G3BP2: variants seen among roughly 807,000 people sequenced by gnomAD.
The protein encoded by G3BP2 is G3BP stress granule assembly factor 2.
G3BP2 carries 11 observed loss-of-function variants against 56.7 expected under a neutral mutation model. That is an observed-to-expected ratio of 0.19 (90% confidence interval 0.12 to 0.32). G3BP2 has a LOEUF of 0.32. Ranked by LOEUF, G3BP2 falls within the 10% of genes least tolerant of loss-of-function variation. The pLI, the probability that G3BP2 is intolerant of heterozygous loss-of-function variation, is 1.00. For missense variants in G3BP2, 340 were observed against 610.9 expected (o/e 0.56, Z 4.67); for synonymous variants, 165 against 191.6 (o/e 0.86, Z 1.15).
chr4:75,659,040 T>A, intron 2 of G3BP2, 116 bp from the exon 3 acceptor site: 2 of 793,488 alleles, frequency 2.5e-6, no homozygotes, highest in Non-Finnish European at 4.4e-6. Context: ...AGTTGCGTGA[T>A]CTTGGACAGG....
chr4:75,673,124 A>C, intron 1 of G3BP2, 84 bp downstream of exon 1: 1 of 1,091,554 alleles, frequency 9.2e-7, no homozygotes. Flanking sequence ...CACACACCGG[A>C]CGATTGCCTC....
intron 3 of G3BP2, among the ~76,000 whole-genome samples, chr4:75,703,415 A>G (rs566247153): frequency 6.6e-6 from 1 of 152,298 alleles, no homozygotes; most frequent in South Asian, 2.1e-4. Flanking sequence ...TTAGTCACGT[A>G]TGCAACTTCT....
At chr4:75,665,538 G>A (rs927108195) in intron 1 of G3BP2, among the ~76,000 whole-genome samples, 21 of 151,986 alleles carry the variant, frequency 1.4e-4, no homozygotes, top group Non-Finnish European at 2.5e-4. Flanking sequence ...TTGAGCTTAG[G>A]AGCTGAAGAC....
intron 1 of G3BP2, among the ~76,000 whole-genome samples, chr4:75,667,156 G>A (rs1733104776): frequency 6.6e-6 from 1 of 152,100 alleles, no homozygotes; most frequent in Admixed American, 6.6e-5. Context: ...GGGCGTGGTA[G>A]TGTGCAAGCG....
At chr4:75,706,179 C>T (rs1719537049) in intron 3 of G3BP2, among the ~76,000 whole-genome samples, 1 of 152,206 alleles carries the variant, frequency 6.6e-6, no homozygotes, top group East Asian at 1.9e-4. Flanking sequence ...CTACTAAGAT[C>T]CTACTTACAC....
At chr4:75,717,165 G>A (rs964653526) in intron 3 of G3BP2, among the ~76,000 whole-genome samples, 4 of 152,096 alleles carry the variant, frequency 2.6e-5, no homozygotes, top group Non-Finnish European at 5.9e-5. Context: ...AATTATGGCC[G>A]GGCATGGTGA....
chr4:75,645,371 C>A lies in G3BP2; in HGVS notation c.*59G>T. 1 of 1,487,282 alleles carries A rather than the reference C, an allele frequency of 6.7e-7. No individual in the cohort carries two copies. Among genetic ancestry groups the A allele is most frequent in the Admixed American group, 2.2e-5 (1 of 45,520 alleles). 92.1% of individuals were successfully genotyped at this position (1,487,282 alleles called of 1,614,324 possible). A position where few individuals can be genotyped will look rare whatever the true frequency, so the allele number is the denominator to read the frequency against. On this transcript the variant is annotated 3_prime_UTR_variant, in exon 12 of 12. Coordinates refer to ENST00000359707, the MANE Select transcript of G3BP2 (RefSeq NM_203505.3). ...ATTCCAAAGCCAAAAAAAAAATTAA[C>A]AAGAATGCAAACACGATGAATAATG...
chr4:75,675,480 T>C (rs1398097310), upstream of G3BP2, among the ~76,000 whole-genome samples: 1 of 152,168 alleles, frequency 6.6e-6, no homozygotes, highest in Non-Finnish European at 1.5e-5. Flanking sequence ...ACTGCTGCTC[T>C]AGGAGCCACA....
At chr4:75,697,004 C>T (rs1254727410) in intron 3 of G3BP2, among the ~76,000 whole-genome samples, 8 of 152,068 alleles carry the variant, frequency 5.3e-5, no homozygotes, top group African/African-American at 1.9e-4. Flanking sequence ...TGGACAGGCA[C>T]TGTGGCTCAT....
At chr4:75,677,437 G>T (rs1012104708), upstream of G3BP2, among the ~76,000 whole-genome samples, 5 of 152,124 alleles carry the variant, frequency 3.3e-5, no homozygotes, top group Admixed American at 2.0e-4. Context: ...CAGGCATGGT[G>T]GTGCGCACCT....
upstream of G3BP2, among the ~76,000 whole-genome samples, chr4:75,674,732 T>A (rs1251037198): frequency 2.4e-3 from 188 of 79,338 alleles, 1 homozygote; most frequent in African/African-American, 5.5e-3. Context: ...TTTTTTTTTT[T>A]TTTTTTTTAA....
chr4:75,672,895 G>C, intron 1 of G3BP2: 10 of 540,202 alleles, frequency 1.9e-5, no homozygotes, highest in Non-Finnish European at 2.4e-5. Flanking sequence ...GCTGCTGCGT[G>C]CCTCCCCCCC....
chr4:75,648,772 A>T, intron 8 of G3BP2, 31 bp from the exon 9 acceptor site: 1 of 1,380,142 alleles, frequency 7.2e-7, no homozygotes. Flanking sequence ...AACATTATAA[A>T]AAACACTCCA....
intron 3 of G3BP2, 61 bp downstream of exon 3, chr4:75,658,782 A>AT (rs1732318929): frequency 9.7e-7 from 1 of 1,025,932 alleles, no homozygotes; most frequent in Non-Finnish European, 1.5e-6. Flanking sequence ...CAAGAAGGCT[A>AT]TTTTTTAAAA....
At chr4:75,646,545 C>T (rs1731218923) in intron 10 of G3BP2, 89 bp from the exon 11 acceptor site, 2 of 829,418 alleles carry the variant, frequency 2.4e-6, no homozygotes, top group East Asian at 2.5e-5. Flanking sequence ...ATCGTTATCT[C>T]CCCGATCCAT....
intron 2 of G3BP2, 199 bp downstream of exon 2, chr4:75,661,732 A>G (rs1732581136): frequency 1.9e-6 from 1 of 527,632 alleles, no homozygotes; most frequent in African/African-American, 1.9e-5. Flanking sequence ...GTACCAGAAT[A>G]TGACATAAAA....
chr4:75,659,786 A>T (rs1417016448), intron 2 of G3BP2, among the ~76,000 whole-genome samples: 2 of 152,220 alleles, frequency 1.3e-5, no homozygotes, highest in African/African-American at 4.8e-5. Context: ...CAAGTGGGGC[A>T]CCCAAGATAA....
At chr4:75,674,907 G>A (rs952248284), upstream of G3BP2, among the ~76,000 whole-genome samples, 8 of 151,638 alleles carry the variant, frequency 5.3e-5, no homozygotes, top group Non-Finnish European at 8.8e-5. Flanking sequence ...ATTTTTAGTA[G>A]AGACGAGGTT....
intron 1 of G3BP2, among the ~76,000 whole-genome samples, chr4:75,663,411 G>C (rs1732726337): frequency 6.6e-6 from 1 of 152,068 alleles, no homozygotes; most frequent in African/African-American, 2.4e-5. Flanking sequence ...GGGACTATAA[G>C]CATGCACCTG....
Sources: gnomAD v4.1 joint callset for allele counts (sites outside exome capture counted in the v4.1 genomes callset) on GRCh38, gnomAD v4.1.1 for gene constraint, MANE v1.5 for transcripts, NCBI Gene and HGNC (gene_info 2026-07-23, HGNC 2026-07-21) for gene names.